Variants in PIGQ observed in about 807,000 individuals in gnomAD.
The protein encoded by PIGQ is phosphatidylinositol glycan anchor biosynthesis class Q, also known as phosphatidylinositol N-acetylglucosaminyltransferase subunit Q.
PIGQ carries 54 observed loss-of-function variants against 60.3 expected under a neutral mutation model. That is an observed-to-expected ratio of 0.90 (90% confidence interval 0.72 to 1.12). The LOEUF is 1.12. Ranked by LOEUF, PIGQ falls within the 50% of genes most tolerant of loss-of-function variation. PIGQ has a pLI of 0.00. For missense variants in PIGQ, 799 were observed against 793.5 expected (o/e 1.01, Z -0.08); for synonymous variants, 416 against 363.7 (o/e 1.14, Z -1.64).
chr16:580,007 G>C (rs1055351179), intron 7 of PIGQ, 176 bp from the exon 8 acceptor site: 1 of 516,926 alleles, frequency 1.9e-6, no homozygotes, highest in South Asian at 3.0e-5. Context: ...CTAGTCCGTG[G>C]GGTGTGGGTG....
At chr16:582,712 C>A in intron 10 of PIGQ, 171 bp from the exon 11 acceptor site, 1 of 753,468 alleles carries the variant, frequency 1.3e-6, no homozygotes, top group East Asian at 2.5e-5. Context: ...GCGCTCCCTT[C>A]TGGCTGCAGG....
chr16:582,432 A>C, intron 10 of PIGQ, 123 bp downstream of exon 10: 1 of 713,040 alleles, frequency 1.4e-6, no homozygotes, highest in Non-Finnish European at 2.3e-6. Flanking sequence ...GGGAGGGCCC[A>C]GTGGAGCTGA....
intron 10 of PIGQ, 139 bp from the exon 11 acceptor site, chr16:582,744 T>C: frequency 1.1e-6 from 1 of 944,034 alleles, no homozygotes; most frequent in South Asian, 1.6e-5. Flanking sequence ...CCTTGGGAAC[T>C]GGGACTGGCT....
At chr16:578,173 G>T (rs1349907437) in intron 4 of PIGQ, 1 of 549,904 alleles carries the variant, frequency 1.8e-6, no homozygotes, top group Non-Finnish European at 3.2e-6. Flanking sequence ...CAGGCCTGCA[G>T]AGAGAGGCCT....
intron 1 of PIGQ, among the ~76,000 whole-genome samples, chr16:572,259 G>A (rs146862250): frequency 1.3e-5 from 2 of 152,308 alleles, no homozygotes; most frequent in Non-Finnish European, 2.9e-5. Flanking sequence ...GGTGCCTCAC[G>A]TCAGCTGGCC....
At chr16:580,562 G>A in intron 8 of PIGQ, 1 of 552,926 alleles carries the variant, frequency 1.8e-6, no homozygotes, top group Non-Finnish European at 3.2e-6. Context: ...GCAGACAGTG[G>A]GAGGTGAGCA....
In PIGQ at chr16:583,775, T is replaced by A; in HGVS notation, c.*740T>A. On this transcript the variant is annotated 3_prime_UTR_variant, in exon 11 of 11. Transcript: ENST00000321878. ...GCAGCAGGTCCTGCGGCCAAATCTGTCTCCCTTCATGGGCCTCCCAGGGAA... is the reference window on the plus strand; with the variant it reads ...GCAGCAGGTCCTGCGGCCAAATCTGACTCCCTTCATGGGCCTCCCAGGGAA... The A allele has an allele frequency of 1.1e-6, 1 of 926,948 alleles. No homozygotes were observed. The highest frequency in any genetic ancestry group is 1.7e-6 in the Non-Finnish European group (1 of 584,576). 57.4% of individuals were successfully genotyped at this position (926,948 alleles called of 1,614,324 possible). A position where few individuals can be genotyped will look rare whatever the true frequency, so the allele number is the denominator to read the frequency against.
intron 9 of PIGQ, chr16:581,177 C>CA (rs751166662): frequency 5.8e-4 from 843 of 1,446,484 alleles, no homozygotes; most frequent in Non-Finnish European, 5.6e-4. Context: ...GAGAGAGACT[C>CA]AGAGACTCAC....
At chr16:572,642 C>G (rs2035653030) in intron 1 of PIGQ, 1 of 455,858 alleles carries the variant, frequency 2.2e-6, no homozygotes, top group African/African-American at 2.0e-5. Context: ...GGCTCTGAGA[C>G]CTCCAGGCAT....
Position 583,715 on chromosome 16 carries a change from A to T in PIGQ, c.*680A>T. On this transcript the variant is annotated 3_prime_UTR_variant, in exon 11 of 11. Coordinates refer to ENST00000321878, the MANE Select transcript of PIGQ (RefSeq NM_004204.5). Reference sequence around the variant, plus strand: ...CTCAGTGTCAAGGGCCCGCCCACTGACCCAGCCGTACCTATTCGTCCACGG... The same window carrying T: ...CTCAGTGTCAAGGGCCCGCCCACTGTCCCAGCCGTACCTATTCGTCCACGG... The T allele has an allele frequency of 6.8e-7, 1 of 1,459,952 alleles. No homozygotes were observed. 90.4% of individuals were successfully genotyped at this position (1,459,952 alleles called of 1,614,324 possible).
intron 9 of PIGQ, chr16:581,379 A>G: frequency 8.6e-7 from 1 of 1,158,156 alleles, no homozygotes; most frequent in Non-Finnish European, 1.1e-6. Flanking sequence ...AACCCCGTCC[A>G]CTCAACAGCA....
chr16:576,331 C>T (rs984030311), intron 4 of PIGQ, 77 bp downstream of exon 4: 21 of 1,451,888 alleles, frequency 1.4e-5, no homozygotes, highest in Non-Finnish European at 1.8e-5. Context: ...CTTCCCGGGC[C>T]AGAGCCACCG....
rs576698468 is a variant in PIGQ at position 578,882 on chromosome 16, G to T, written c.1167G>T (p.Ser389=). 68 of 1,613,718 alleles carry T rather than the reference G, an allele frequency of 4.2e-5. No homozygotes were observed. In the South Asian group the frequency reaches 7.0e-4, roughly 17 times the overall value. Residue 389 remains serine, a synonymous_variant, in exon 6 of 11, where the codon TCG becomes TCT. Transcript: ENST00000321878. ...TGACGGTGGCCCTGTCCCTCCTCTCGGACATTATCGCCCTCCTCACCTTCC... is the reference window on the plus strand; with the variant it reads ...TGACGGTGGCCCTGTCCCTCCTCTCTGACATTATCGCCCTCCTCACCTTCC... ...LGLTVALSLL[S]DIIALLTFHI...
intron 1 of PIGQ, among the ~76,000 whole-genome samples, chr16:571,046 T>G (rs2151041961): frequency 5.9e-5 from 1 of 17,076 alleles, no homozygotes; most frequent in South Asian, 2.8e-3. Flanking sequence ...CCCGTGTGTG[T>G]GTGTGTGTGT....
chr16:580,065 T>C (rs2151048307), intron 7 of PIGQ, 118 bp from the exon 8 acceptor site: 1 of 667,430 alleles, frequency 1.5e-6, no homozygotes, highest in Non-Finnish European at 2.5e-6. Context: ...CCATCCCGAG[T>C]TCCCTCAGGA....
chr16:576,427 G>C (rs1054024242), intron 4 of PIGQ, 173 bp downstream of exon 4: 4 of 778,728 alleles, frequency 5.1e-6, no homozygotes, highest in Non-Finnish European at 2.0e-6. Flanking sequence ...GGGCGCTGGG[G>C]CCTGGGCAGG....
At chr16:573,920 A>G in intron 1 of PIGQ, 146 bp from the exon 2 acceptor site, 1 of 613,912 alleles carries the variant, frequency 1.6e-6, no homozygotes. Context: ...AAGGAGCCCT[A>G]CGGCGTCCAC....
Position 583,479 on chromosome 16 carries a change from A to C in PIGQ, c.*444A>C, listed in dbSNP as rs1322050868. On this transcript the variant is annotated 3_prime_UTR_variant, in exon 11 of 11. Transcript: ENST00000321878. ...GGGACCTTGCCAGGATGAACCCCCC[A>C]GTCCCAGGCACCCTCTAGCTCCCTC... is the stretch of plus-strand genomic sequence containing the variant. 6.8e-6 allele frequency: 11 copies of C among 1,612,602 alleles called. No homozygotes were observed. The Admixed American group carries it at 1.8e-4, about 27-fold the overall frequency.
At chr16:578,687 C>T in intron 5 of PIGQ, 98 bp from the exon 6 acceptor site, 2 of 1,490,612 alleles carry the variant, frequency 1.3e-6, no homozygotes, top group South Asian at 1.2e-5. Flanking sequence ...CCCCACCCTG[C>T]CAGGCTACAC....
Sources: gnomAD v4.1 joint callset for allele counts (sites outside exome capture counted in the v4.1 genomes callset) on GRCh38, gnomAD v4.1.1 for gene constraint, MANE v1.5 for transcripts, NCBI Gene and HGNC (gene_info 2026-07-23, HGNC 2026-07-21) for gene names.